The following ODAD2 variants were observed in gnomAD, a reference collection of about 807,000 sequenced individuals.
ODAD2 encodes the protein outer dynein arm docking complex subunit 2.
Under a neutral mutation model 106.8 loss-of-function variants are expected in ODAD2, and 89 were observed. The ratio of observed to expected loss-of-function variants is 0.83; its 90% confidence interval spans 0.70 to 0.99. ODAD2 has a LOEUF of 0.99. ODAD2 is among the 50% of genes least tolerant of loss of function. The pLI is 0.00. For missense variants in ODAD2, 1,168 were observed against 1,238.5 expected, an observed-to-expected ratio of 0.94 and a Z score of 0.85; for synonymous variants, 404 against 436.2, an observed-to-expected ratio of 0.93 and a Z score of 0.92.
chr10:27,885,631 A>T (rs1589921062), intron 17 of ODAD2, among the ~76,000 whole-genome samples: 1 of 76,942 alleles, frequency 1.3e-5, no homozygotes, highest in Non-Finnish European at 2.3e-5. Context: ...AAATATATAA[A>T]ATATATATTA....
intron 19 of ODAD2, among the ~76,000 whole-genome samples, chr10:27,815,295 A>G (rs894425389): frequency 6.6e-6 from 1 of 152,190 alleles, no homozygotes; most frequent in African/African-American, 2.4e-5. Context: ...TAATGATTCC[A>G]TTATCATTTA....
intron 9 of ODAD2, among the ~76,000 whole-genome samples, chr10:27,962,503 T>A (rs150550738): frequency 0.012 from 1,861 of 152,262 alleles, 41 homozygotes; most frequent in African/African-American, 0.042. Flanking sequence ...CCCTCCATAA[T>A]GCCTACACTG....
At chr10:27,848,205 T>C (rs1589815917) in intron 19 of ODAD2, among the ~76,000 whole-genome samples, 1 of 152,162 alleles carries the variant, frequency 6.6e-6, no homozygotes, top group Non-Finnish European at 1.5e-5. Context: ...AACTGCATGG[T>C]ACTGGTACCA....
intron 17 of ODAD2, chr10:27,904,250 G>A (rs918111632): frequency 3.6e-5 from 15 of 411,902 alleles, no homozygotes; most frequent in Admixed American, 3.1e-4. Flanking sequence ...TCTGTAAGAA[G>A]TGTGGCAAGC....
At chr10:27,980,219 G>A (rs1420648702) in intron 7 of ODAD2, among the ~76,000 whole-genome samples, 1 of 152,094 alleles carries the variant, frequency 6.6e-6, no homozygotes, top group Non-Finnish European at 1.5e-5. Context: ...ACAATCCTTA[G>A]AGGAAAAACA....
chr10:27,922,537 A>T (rs1844869866), intron 16 of ODAD2, among the ~76,000 whole-genome samples: 2 of 152,192 alleles, frequency 1.3e-5, no homozygotes. Context: ...AGAAAAAGAA[A>T]AATAGAATGA....
At chr10:27,984,730 A>T (rs1849767395) in intron 4 of ODAD2, among the ~76,000 whole-genome samples, 1 of 152,204 alleles carries the variant, frequency 6.6e-6, no homozygotes, top group African/African-American at 2.4e-5. Context: ...TTAGAACTGG[A>T]ATAAATGAAT....
At chr10:27,917,833 A>G (rs895807054) in intron 16 of ODAD2, among the ~76,000 whole-genome samples, 2 of 151,958 alleles carry the variant, frequency 1.3e-5, no homozygotes, top group Non-Finnish European at 2.9e-5. Context: ...GAGAAAAATG[A>G]GAACTACTAT....
chr10:27,882,761 T>C (rs1841831924), intron 17 of ODAD2, among the ~76,000 whole-genome samples: 1 of 152,090 alleles, frequency 6.6e-6, no homozygotes, highest in Non-Finnish European at 1.5e-5. Flanking sequence ...AGGGACAGAA[T>C]AGGTTTGGAG....
At chr10:27,924,117 T>G (rs1227846054) in intron 16 of ODAD2, among the ~76,000 whole-genome samples, 2 of 151,908 alleles carry the variant, frequency 1.3e-5, no homozygotes, top group Admixed American at 1.3e-4. Context: ...ATTCATCTTC[T>G]ATTGTCATTA....
Position 27,905,912 on chromosome 10 carries a change from C to A in ODAD2, c.2610+1751G>T, listed in dbSNP as rs1260177132. On this transcript the variant is annotated intron_variant, in intron 17 of 19. Coordinates refer to ENST00000305242, the MANE Select transcript of ODAD2 (RefSeq NM_018076.5). ...AATGTAAGACCTAAAACCATAAAAACCCTGGAAGAAAACGTAGGCAATACC... is the reference window on the plus strand; with the variant it reads ...AATGTAAGACCTAAAACCATAAAAAACCTGGAAGAAAACGTAGGCAATACC... Among the ~76,000 whole-genome samples, 4 of 152,102 alleles carry A rather than the reference C, an allele frequency of 2.6e-5. No individual in the cohort carries two copies. In the South Asian group the frequency reaches 6.2e-4, roughly 24 times the overall value.
intron 8 of ODAD2, among the ~76,000 whole-genome samples, chr10:27,970,808 A>G (rs1848796366): frequency 6.6e-6 from 1 of 151,962 alleles, no homozygotes; most frequent in Non-Finnish European, 1.5e-5. Context: ...TACTAAAATT[A>G]CAAAAAATAA....
At chr10:27,839,545 C>T (rs1838158739) in intron 19 of ODAD2, among the ~76,000 whole-genome samples, 1 of 152,184 alleles carries the variant, frequency 6.6e-6, no homozygotes, top group Non-Finnish European at 1.5e-5. Flanking sequence ...CTGACAGTGA[C>T]TTGGAAATAT....
intron 16 of ODAD2, among the ~76,000 whole-genome samples, chr10:27,912,677 T>G (rs1844091819): frequency 6.6e-6 from 1 of 152,204 alleles, no homozygotes; most frequent in Non-Finnish European, 1.5e-5. Flanking sequence ...AAAATTACAC[T>G]GATAAATACC....
chr10:27,854,616 TG>T (rs1400565363), intron 19 of ODAD2, among the ~76,000 whole-genome samples: 3 of 151,728 alleles, frequency 2.0e-5, no homozygotes, highest in Non-Finnish European at 2.9e-5. Flanking sequence ...ATTAGCCCGG[TG>T]TGGTGGTGCA....
intron 19 of ODAD2, among the ~76,000 whole-genome samples, chr10:27,843,438 C>T (rs1314643178): frequency 6.6e-6 from 1 of 152,178 alleles, no homozygotes; most frequent in Non-Finnish European, 1.5e-5. Context: ...AGTGGCTCTA[C>T]ATATTCCTGA....
chr10:27,976,214 A>AT (rs35526986), intron 7 of ODAD2, among the ~76,000 whole-genome samples: 6 of 129,802 alleles, frequency 4.6e-5, no homozygotes, highest in African/African-American at 9.5e-5. Flanking sequence ...TTTCTATTCA[A>AT]TTTTTTACTG....
At chr10:27,982,605 G>A (rs1253416675) in intron 6 of ODAD2, among the ~76,000 whole-genome samples, 2 of 152,174 alleles carry the variant, frequency 1.3e-5, no homozygotes, top group African/African-American at 2.4e-5. Context: ...AGGCATGTCA[G>A]AAAGATAACT....
chr10:27,951,787 A>G (rs960594880), intron 10 of ODAD2, among the ~76,000 whole-genome samples: 3 of 152,146 alleles, frequency 2.0e-5, no homozygotes, highest in African/African-American at 7.2e-5. Context: ...AGACAAAAAG[A>G]CATCCAGCTG....
Sources: gnomAD v4.1 joint callset for allele counts (sites outside exome capture counted in the v4.1 genomes callset) on GRCh38, gnomAD v4.1.1 for gene constraint, MANE v1.5 for transcripts, NCBI Gene and HGNC (gene_info 2026-07-23, HGNC 2026-07-21) for gene names.